Variants in KAT6B observed in about 807,000 individuals in gnomAD.
KAT6B encodes the protein histone acetyltransferase KAT6B.
KAT6B carries 10 observed loss-of-function variants against 187.5 expected under a neutral mutation model. That is an observed-to-expected ratio of 0.05 (90% CI 0.03 to 0.09). The LOEUF (loss-of-function observed/expected upper bound fraction) is 0.09. Ranked by LOEUF, KAT6B falls within the 10% of genes least tolerant of loss-of-function variation. The pLI is 1.00. For synonymous variants in KAT6B, 861 were observed against 926.8 expected (o/e 0.93, Z 1.29); for missense variants, 1,952 against 2,558.9 (o/e 0.76, Z 5.12).
At chr10:74,912,785 A>C (rs1405376694) in intron 3 of KAT6B, among the ~76,000 whole-genome samples, 1 of 152,168 alleles carries the variant, frequency 6.6e-6, no homozygotes, top group Non-Finnish European at 1.5e-5. Context: ...GCATTGCCTA[A>C]CTATAGTCAA....
intron 13 of KAT6B, among the ~76,000 whole-genome samples, chr10:75,007,797 G>A (rs1032303499): frequency 6.6e-6 from 1 of 152,102 alleles, no homozygotes; most frequent in Non-Finnish European, 1.5e-5. Context: ...CTTAGTGCTT[G>A]GGTTTTTGTA....
chr10:75,029,008 T>C lies in KAT6B; in HGVS notation c.4184T>C (p.Ile1395Thr), dbSNP rs749138365. 7 of 1,612,216 alleles carry C rather than the reference T, an allele frequency of 4.3e-6. No individual in the cohort carries two copies. Among genetic ancestry groups the C allele is most frequent in the Non-Finnish European group, 5.1e-6 (6 of 1,179,590 alleles). ...AGCCAAGAAAAAGAGGAACCAGAAA[T>C]CTCCACGGAAAAAGAAGACTCTGCA... Reference protein sequence around the residue: ...AKSQEKEEPEISTEKEDSARL... With the variant: ...AKSQEKEEPETSTEKEDSARL... The change falls in exon 18 of 18, where the codon ATC becomes ACC. Residue 1395 changes from isoleucine to threonine, a missense_variant. This residue lies in a region of KAT6B where 758 missense variants were observed against 891.4 expected (regional missense o/e 0.85). Transcript: ENST00000287239. The surrounding 1 kb of genome is among the most constrained non-coding windows in gnomAD (Gnocchi z 6.2).
intron 3 of KAT6B, among the ~76,000 whole-genome samples, chr10:74,860,778 A>G (rs1032447824): frequency 6.6e-6 from 1 of 152,210 alleles, no homozygotes; most frequent in African/African-American, 2.4e-5. Flanking sequence ...CAGGAGGATC[A>G]CTTGAGGCCA....
chr10:74,896,365 C>T (rs1343834921), intron 3 of KAT6B, among the ~76,000 whole-genome samples: 2 of 152,138 alleles, frequency 1.3e-5, no homozygotes, highest in African/African-American at 4.8e-5. Flanking sequence ...GATCTCGGCT[C>T]ACTGCAACCC....
At chr10:74,895,961 T>TTG (rs964315924) in intron 3 of KAT6B, among the ~76,000 whole-genome samples, 2 of 150,824 alleles carry the variant, frequency 1.3e-5, no homozygotes, top group African/African-American at 4.9e-5. Context: ...GTTGTTGTTG[T>TTG]TTTTTTTTGC....
At chr10:74,914,375 AAATT>A (rs1331608884) in intron 3 of KAT6B, among the ~76,000 whole-genome samples, 4 of 152,202 alleles carry the variant, frequency 2.6e-5, no homozygotes, top group Non-Finnish European at 5.9e-5. Flanking sequence ...CTTATTATTT[AAATT>A]AATTCTTTTT....
rs569388984 is a variant in KAT6B, at chr10:74,933,572, C to T, written c.622-26398C>T. 1.0e-3 allele frequency among the ~76,000 whole-genome samples: 157 copies of T among 152,268 alleles called. 1 individual carries two copies. Among genetic ancestry groups the T allele is most frequent in the African/African-American group, 3.6e-3 (148 of 41,540 alleles). On this transcript the variant is annotated intron_variant, in intron 3 of 17. Transcript: ENST00000287239. Reference sequence around the variant, plus strand: ...AATAAACTACTAAAGTTGTTTTCCCCCAATAAGTGTTTGTATTTTATCCCT... The same window carrying T: ...AATAAACTACTAAAGTTGTTTTCCCTCAATAAGTGTTTGTATTTTATCCCT...
chr10:74,919,549 CT>C (rs1847959046), intron 3 of KAT6B, among the ~76,000 whole-genome samples: 2 of 152,128 alleles, frequency 1.3e-5, no homozygotes, highest in South Asian at 4.1e-4. Context: ...TACAGGTGTG[CT>C]CCACCACGCC....
At chr10:75,022,564 CTA>C (rs894755393) in intron 16 of KAT6B, among the ~76,000 whole-genome samples, 5 of 152,148 alleles carry the variant, frequency 3.3e-5, no homozygotes, top group African/African-American at 1.2e-4. Context: ...CCTCCAAGAC[CTA>C]GAGGCCAGGA....
At chr10:75,027,299 G>C (rs2134221010) in intron 17 of KAT6B, among the ~76,000 whole-genome samples, 1 of 152,274 alleles carries the variant, frequency 6.6e-6, no homozygotes, top group Non-Finnish European at 1.5e-5. Flanking sequence ...TGGTCGGTTT[G>C]AATGTAATAC....
At chr10:74,970,428 C>CAG (rs1841775784) in intron 6 of KAT6B, among the ~76,000 whole-genome samples, 1 of 152,044 alleles carries the variant, frequency 6.6e-6, no homozygotes, top group Non-Finnish European at 1.5e-5. Flanking sequence ...AGAACACTTT[C>CAG]CATATTATTC....
At chr10:74,854,756 T>C (rs1270102609) in intron 3 of KAT6B, among the ~76,000 whole-genome samples, 7 of 152,180 alleles carry the variant, frequency 4.6e-5, no homozygotes, top group African/African-American at 1.7e-4. Flanking sequence ...TGCAATTTGG[T>C]TTCATTAACA....
chr10:74,990,196 CAAAAAAAAAAAAA>C (rs56300641), intron 13 of KAT6B, among the ~76,000 whole-genome samples: 4,559 of 39,448 alleles, frequency 0.12, 176 homozygotes, highest in Middle Eastern at 0.29. Context: ...GACTCTGTCT[CAAAAAAAAAAAAA>C]AAAAAAAAAA....
rs558676836 is a variant in KAT6B at position 75,019,973 on chromosome 10, G to A, written c.2630-609G>A. Among the ~76,000 whole-genome samples the A allele has an allele frequency of 2.8e-4, 43 of 152,272 alleles. 1 individual carries two copies. The South Asian group carries it at 8.7e-3, about 31-fold the overall frequency. On this transcript the variant is annotated intron_variant, in intron 13 of 17. Transcript: ENST00000287239. ...GTAAATTAATTTCTATGAAAGAGGT[G>A]AAAATGGAGCTAGTGGAGCTGATGG...
In KAT6B at chr10:74,977,300, TG is replaced by T. The variant is rs1564601132; in HGVS notation, c.1994-14del. 6.2e-7 allele frequency: 1 copy of T among 1,611,792 alleles called. No homozygotes were observed. Among genetic ancestry groups the T allele is most frequent in the East Asian group, 2.2e-5 (1 of 44,746 alleles). On this transcript the variant is annotated splice_polypyrimidine_tract_variant and intron_variant, in intron 8 of 17. Coordinates refer to ENST00000287239, the MANE Select transcript of KAT6B (RefSeq NM_012330.4). ...TCAAGTCAGTGAATACACTTTCTGC[TG>T]GTTTTAAATGACAGATACTGAAATA... is the stretch of plus-strand genomic sequence containing the variant.
chr10:74,999,437 T>C (rs920822994), intron 13 of KAT6B, among the ~76,000 whole-genome samples: 1 of 152,006 alleles, frequency 6.6e-6, no homozygotes, highest in African/African-American at 2.4e-5. Context: ...CAGGGGGAAG[T>C]GTATAGGGAA....
At chr10:74,997,286 C>T (rs1843505445) in intron 13 of KAT6B, among the ~76,000 whole-genome samples, 1 of 140,972 alleles carries the variant, frequency 7.1e-6, no homozygotes, top group Admixed American at 7.7e-5. Flanking sequence ...AACAAATAGG[C>T]AGAGGACAGG....
intron 8 of KAT6B, 52 bp downstream of exon 8, chr10:74,976,382 C>G: frequency 6.8e-7 from 1 of 1,470,212 alleles, no homozygotes; most frequent in East Asian, 2.3e-5. Context: ...CCCTTTCTCC[C>G]CAACCCTGAA....
In KAT6B at chr10:75,029,761, C is replaced by T; in HGVS notation, c.4937C>T (p.Thr1646Ile). 1 of 1,614,158 alleles carries T rather than the reference C, an allele frequency of 6.2e-7. No individual in the cohort carries two copies. The highest frequency in any genetic ancestry group is 8.5e-7 in the Non-Finnish European group (1 of 1,180,014). The change falls in exon 18 of 18, where the codon ACC becomes ATC. Residue 1646 changes from threonine to isoleucine, a missense_variant. Around this residue, in one of 9 missense-constraint regions of KAT6B, gnomAD observed 87 missense variants for 167.5 expected, o/e 0.52. Coordinates refer to ENST00000287239, the MANE Select transcript of KAT6B (RefSeq NM_012330.4). This position sits in a 1 kb window ranked among gnomAD's most constrained non-coding sequence, Gnocchi z 6.2. ...GTGCCATCTCTGCAGAACATGGAAA[C>T]CAGTCCCATGATGGATGTCCCATCA... ...ISVPSLQNME[T>I]SPMMDVPSVS...
Sources: allele counts gnomAD v4.1 joint callset (sites outside exome capture counted in the v4.1 genomes callset), GRCh38; gene constraint gnomAD v4.1.1; regional missense constraint gnomAD v4.1.1; non-coding constraint Gnocchi (gnomAD v3.1); transcripts MANE v1.5; gene names NCBI Gene and HGNC (gene_info 2026-07-23, HGNC 2026-07-21).